IDE: variants seen among roughly 807,000 people sequenced by gnomAD.
IDE encodes insulin-degrading enzyme.
IDE carries 58 observed loss-of-function variants against 133.2 expected under a neutral mutation model. That is an observed-to-expected ratio of 0.44 (90% CI 0.35 to 0.54). The LOEUF (loss-of-function observed/expected upper bound fraction) is 0.54, where lower values mean the gene tolerates loss of function less well. Ranked by LOEUF, IDE falls within the 20% of genes least tolerant of loss-of-function variation. The pLI is 0.00. For synonymous variants in IDE, 396 were observed against 421.3 expected (o/e 0.94, Z 0.73); for missense variants, 981 against 1,234.0 (o/e 0.79, Z 3.07).
In IDE at chr10:92,508,184, C is replaced by T; in HGVS notation, c.1082G>A (p.Gly361Asp). The T allele has an allele frequency of 3.1e-6, 5 of 1,613,814 alleles. No homozygotes were observed. Among genetic ancestry groups the T allele is most frequent in the Non-Finnish European group, 4.2e-6 (5 of 1,179,782 alleles). The change falls in exon 8 of 25, where the codon GGT becomes GAT. Residue 361 changes from glycine (G) to aspartate (D), a missense_variant. By Grantham distance (94) the Gly-to-Asp change is moderately conservative (BLOSUM62 -1). Transcript: ENST00000265986. Reference protein sequence around the residue: ...KSKGWVNTLVGGQKEGARGFM... With the variant: ...KSKGWVNTLVDGQKEGARGFM... ...ACCTCGGGCTCCTTCCTTCTGCCCACCAACAAGAGTATTAACCCAGCCTGC... is the reference window on the plus strand; with the variant it reads ...ACCTCGGGCTCCTTCCTTCTGCCCATCAACAAGAGTATTAACCCAGCCTGC...
rs532861372 is a variant in IDE, at chr10:92,564,671, C to CAAAAAAAAAAAAAA, written c.98+9237_98+9250dup. 3.5e-4 allele frequency among the ~76,000 whole-genome samples: 11 copies of CAAAAAAAAAAAAAA among 31,586 alleles called. 1 individual carries two copies. Among genetic ancestry groups the CAAAAAAAAAAAAAA allele is most frequent in the Non-Finnish European group, 6.1e-4 (10 of 16,300 alleles). The allele number at this position is 31,586 out of a possible 152,430, so 20.7% of individuals were successfully genotyped here. ...CCTGGGCGATAAAGCGAGACTGTCT[C>CAAAAAAAAAAAAAA]AAAAAAAAAAAAAAAAAAAAAAAAA... On this transcript the variant is annotated intron_variant, in intron 1 of 24. Coordinates refer to ENST00000265986, the MANE Select transcript of IDE (RefSeq NM_004969.4).
chr10:92,571,306 C>T (rs1328703376), intron 1 of IDE, among the ~76,000 whole-genome samples: 3 of 152,182 alleles, frequency 2.0e-5, no homozygotes, highest in African/African-American at 7.2e-5. Context: ...TGAGCCACCC[C>T]ACCTGGCCTC....
At chr10:92,549,835 T>C (rs149399855) in intron 1 of IDE, among the ~76,000 whole-genome samples, 30 of 152,184 alleles carry the variant, frequency 2.0e-4, no homozygotes, top group Non-Finnish European at 1.5e-5. Flanking sequence ...AGGTATAAAA[T>C]AGAAGAGCTA....
intron 15 of IDE, among the ~76,000 whole-genome samples, chr10:92,477,012 A>T (rs1846292155): frequency 6.6e-6 from 1 of 152,206 alleles, no homozygotes; most frequent in South Asian, 2.1e-4. Context: ...CTGGGATTAC[A>T]GGCATGAGCC....
At chr10:92,558,574 T>C (rs1843123686) in intron 1 of IDE, among the ~76,000 whole-genome samples, 1 of 152,116 alleles carries the variant, frequency 6.6e-6, no homozygotes, top group Non-Finnish European at 1.5e-5. Context: ...GATAAGGGAC[T>C]TGTATAGAGA....
At chr10:92,471,833 G>C (rs1261964750) in intron 17 of IDE, among the ~76,000 whole-genome samples, 1 of 152,180 alleles carries the variant, frequency 6.6e-6, no homozygotes, top group Non-Finnish European at 1.5e-5. Flanking sequence ...TGAGTAGCTA[G>C]GAATGCAGGC....
intron 13 of IDE, among the ~76,000 whole-genome samples, chr10:92,485,515 C>T (rs373589033): frequency 1.3e-5 from 2 of 152,324 alleles, no homozygotes; most frequent in Admixed American, 6.5e-5. Flanking sequence ...AAATAAGCTA[C>T]TTATCTTGCC....
intron 15 of IDE, among the ~76,000 whole-genome samples, chr10:92,478,094 A>T (rs2093365356): frequency 6.6e-6 from 1 of 152,240 alleles, no homozygotes; most frequent in Non-Finnish European, 1.5e-5. Context: ...CTCGGAATTG[A>T]GATATAAGCA....
rs750552917 is a variant in IDE at position 92,463,995 on chromosome 10, C to T, written c.2497G>A (p.Val833Ile). 14 of 1,611,244 alleles carry T rather than the reference C, an allele frequency of 8.7e-6. No homozygotes were observed. The South Asian group carries it at 9.9e-5, about 11-fold the overall frequency. The stretch of plus-strand genomic sequence containing the variant: ...TTAGCTCGACGTGGCCCGCTGAAGA[C>T]GATATAGCCTGAAACACAGACATCA... ...LRTKEQLGYI[V>I]FSGPRRANGI... is the part of the protein sequence containing the mutation. Residue 833 changes from valine (V) to isoleucine (I), a missense_variant, in exon 21 of 25, where the codon GTC becomes ATC. Transcript: ENST00000265986.
intron 13 of IDE, 131 bp downstream of exon 13, chr10:92,487,065 C>CTTTT: frequency 1.3e-6 from 1 of 789,234 alleles, no homozygotes; most frequent in South Asian, 2.2e-5. Context: ...CTTTCTGCAG[C>CTTTT]TTTTTTGTCA....
intron 5 of IDE, among the ~76,000 whole-genome samples, chr10:92,510,878 G>GAT (rs1456128798): frequency 8.8e-5 from 13 of 148,476 alleles, no homozygotes; most frequent in African/African-American, 2.2e-4. Context: ...TCACATACAT[G>GAT]ATATATCACA....
At chr10:92,566,586 G>A (rs1441958826) in intron 1 of IDE, among the ~76,000 whole-genome samples, 1 of 151,920 alleles carries the variant, frequency 6.6e-6, no homozygotes, top group Non-Finnish European at 1.5e-5. Flanking sequence ...GAGATAGAGA[G>A]TAGAAGGATG....
chr10:92,483,563 G>A (rs1194586767), intron 13 of IDE, among the ~76,000 whole-genome samples: 5 of 152,180 alleles, frequency 3.3e-5, no homozygotes, highest in South Asian at 4.1e-4. Flanking sequence ...TATTTCCCCT[G>A]TATTAGGGAG....
intron 11 of IDE, among the ~76,000 whole-genome samples, chr10:92,495,879 A>T (rs1488469949): frequency 2.0e-5 from 3 of 151,346 alleles, no homozygotes; most frequent in Non-Finnish European, 4.4e-5. Flanking sequence ...CCATTTTTTA[A>T]GTGTTTTTTT....
At chr10:92,547,584 T>C (rs1339372023) in intron 1 of IDE, among the ~76,000 whole-genome samples, 1 of 152,190 alleles carries the variant, frequency 6.6e-6, no homozygotes, top group East Asian at 1.9e-4. Context: ...TTGAGCATCA[T>C]GTTGGTGCTC....
In IDE at chr10:92,463,921, G is replaced by A. The variant is rs1204546665; in HGVS notation, c.2571C>T (p.His857=). 6.2e-7 allele frequency: 1 copy of A among 1,614,118 alleles called. No individual in the cohort carries two copies. Among genetic ancestry groups the A allele is most frequent in the South Asian group, 1.1e-5 (1 of 91,078 alleles). ...AAGCTTCCACTCTGCTTTCTAGGTA[G>A]TGAGGTGGCTTTTCTGACTGGATGA... ...RFIIQSEKPP[H]YLESRVEAFL... Residue 857 remains histidine, a synonymous_variant, in exon 21 of 25, where the codon CAC becomes CAT. Coordinates refer to ENST00000265986, the MANE Select transcript of IDE (RefSeq NM_004969.4).
At chr10:92,500,623 T>C (rs1441397605) in intron 11 of IDE, among the ~76,000 whole-genome samples, 1 of 152,244 alleles carries the variant, frequency 6.6e-6, no homozygotes, top group Non-Finnish European at 1.5e-5. Flanking sequence ...TGTGGAACTA[T>C]ATCTGGACTC....
Position 92,468,951 on chromosome 10 carries a change from T to C in IDE, c.2248A>G (p.Ile750Val). ...GIMQMVEDTL[I>V]EHAHTKPLLP... Reference sequence around the variant, plus strand: ...AGAGGTTTGGTATGAGCATGTTCAATGAGGGTGTCTTCAACCATCTGCATA... The same window carrying C: ...AGAGGTTTGGTATGAGCATGTTCAACGAGGGTGTCTTCAACCATCTGCATA... The change falls in exon 19 of 25, where the codon ATT (isoleucine) becomes GTT (valine). Residue 750 changes from isoleucine (I) to valine (V), a missense_variant. Around this residue, in one of 2 missense-constraint regions of IDE, gnomAD observed 660 missense variants for 894.7 expected, o/e 0.74. Coordinates refer to ENST00000265986, the MANE Select transcript of IDE (RefSeq NM_004969.4). The C allele has an allele frequency of 1.2e-6, 2 of 1,612,968 alleles. No homozygotes were observed. The highest frequency in any genetic ancestry group is 1.7e-6 in the Non-Finnish European group (2 of 1,178,904).
chr10:92,508,442 G>A (rs1031602260), intron 7 of IDE, among the ~76,000 whole-genome samples: 10 of 150,234 alleles, frequency 6.7e-5, no homozygotes, highest in African/African-American at 1.7e-4. Flanking sequence ...GGCTGGGCGC[G>A]GTGGCTCATG....
Sources: gnomAD v4.1 joint callset for allele counts (sites outside exome capture counted in the v4.1 genomes callset) on GRCh38, gnomAD v4.1.1 for gene constraint, gnomAD v4.1.1 regional missense constraint, MANE v1.5 for transcripts, NCBI Gene and HGNC (gene_info 2026-07-23, HGNC 2026-07-21) for gene names.